HDAC9: variants seen among roughly 807,000 people sequenced by gnomAD.
HDAC9 encodes the protein histone deacetylase 9.
HDAC9 carries 41 observed loss-of-function variants against 139.4 expected under a neutral mutation model. The observed-to-expected ratio is 0.29, with a 90% CI of 0.23 to 0.38. HDAC9 has a LOEUF of 0.38. HDAC9 is among the 10% of genes least tolerant of loss of function. The pLI is 1.00. For missense variants in HDAC9, 1,147 were observed against 1,297.0 expected (o/e 0.88, Z 1.78); for synonymous variants, 517 against 476.2 (o/e 1.09, Z -1.12).
At chr7:18,383,876 G>A (rs553571128) in intron 1 of HDAC9, among the ~76,000 whole-genome samples, 40 of 147,956 alleles carry the variant, frequency 2.7e-4, no homozygotes, top group African/African-American at 7.0e-4. Flanking sequence ...GTGACAGAGC[G>A]AGACTCTGAC....
chr7:18,303,375 T>C (rs970642344), intron 1 of HDAC9, among the ~76,000 whole-genome samples: 5 of 127,710 alleles, frequency 3.9e-5, no homozygotes, highest in Admixed American at 3.3e-4. Context: ...CCCAGCCAAT[T>C]TGTGTGTGTG....
intron 6 of HDAC9, among the ~76,000 whole-genome samples, chr7:18,595,360 T>C (rs1392947368): frequency 6.6e-6 from 1 of 152,058 alleles, no homozygotes; most frequent in Non-Finnish European, 1.5e-5. Flanking sequence ...GTCTTATAAA[T>C]AAACTTTTCT....
intron 2 of HDAC9, among the ~76,000 whole-genome samples, chr7:18,539,264 C>T (rs1811933694): frequency 6.6e-6 from 1 of 152,080 alleles, no homozygotes; most frequent in Non-Finnish European, 1.5e-5. Flanking sequence ...TGTTTTTCCC[C>T]CAAATTTATA....
chr7:18,740,204 C>T (rs533065934), intron 13 of HDAC9, among the ~76,000 whole-genome samples: 1 of 152,156 alleles, frequency 6.6e-6, no homozygotes, highest in Non-Finnish European at 1.5e-5. Context: ...AAAGGGAAAT[C>T]CCCCAACCCC....
intron 1 of HDAC9, among the ~76,000 whole-genome samples, chr7:18,453,305 G>T (rs987988723): frequency 6.6e-6 from 1 of 151,930 alleles, no homozygotes; most frequent in African/African-American, 2.4e-5. Flanking sequence ...GTACACAAAG[G>T]TCAGCATTGA....
chr7:18,374,964 A>G (rs944762368), intron 1 of HDAC9, among the ~76,000 whole-genome samples: 1 of 152,160 alleles, frequency 6.6e-6, no homozygotes, highest in African/African-American at 2.4e-5. Flanking sequence ...CTAATCTGCC[A>G]GTTGCATAAA....
intron 6 of HDAC9, among the ~76,000 whole-genome samples, chr7:18,628,238 C>G (rs1043263996): frequency 6.6e-6 from 1 of 152,142 alleles, no homozygotes; most frequent in Non-Finnish European, 1.5e-5. Context: ...TTATGCCAGA[C>G]TACCTGGGTA....
At chr7:18,265,987 C>T (rs1426447124) in intron 2 of HDAC9, among the ~76,000 whole-genome samples, 1 of 152,110 alleles carries the variant, frequency 6.6e-6, no homozygotes, top group Non-Finnish European at 1.5e-5. Context: ...TAGAAGCTGA[C>T]ACCATATCAA....
At chr7:18,261,061 G>T (rs144881580) in intron 2 of HDAC9, among the ~76,000 whole-genome samples, 3 of 152,178 alleles carry the variant, frequency 2.0e-5, no homozygotes, top group Non-Finnish European at 2.9e-5. Context: ...CCAACTCTCT[G>T]GGAGGCCGAG....
chr7:18,218,999 G>T (rs1266726020), intron 2 of HDAC9, among the ~76,000 whole-genome samples: 3 of 152,024 alleles, frequency 2.0e-5, no homozygotes, highest in Non-Finnish European at 4.4e-5. Context: ...GCAGAAATTT[G>T]TACCCAAATT....
chr7:18,712,211 G>A (rs1784396556), intron 12 of HDAC9, among the ~76,000 whole-genome samples: 2 of 151,920 alleles, frequency 1.3e-5, no homozygotes, highest in Admixed American at 1.3e-4. Flanking sequence ...ACTTCTCATT[G>A]TTTTCTGATT....
chr7:18,683,877 T>G (rs1782066426), intron 12 of HDAC9, among the ~76,000 whole-genome samples: 2 of 152,066 alleles, frequency 1.3e-5, no homozygotes, highest in South Asian at 4.1e-4. Context: ...TTTTCAAGTT[T>G]TATTTACTCT....
At chr7:18,101,720 C>G (rs1033033386) in intron 1 of HDAC9, among the ~76,000 whole-genome samples, 8 of 152,130 alleles carry the variant, frequency 5.3e-5, no homozygotes, top group African/African-American at 1.9e-4. Flanking sequence ...ATGCTTGATG[C>G]TTTTATCACT....
chr7:18,438,556 C>G (rs1791436550), intron 1 of HDAC9, among the ~76,000 whole-genome samples: 1 of 151,802 alleles, frequency 6.6e-6, no homozygotes, highest in Non-Finnish European at 1.5e-5. Context: ...TAGAATATAT[C>G]TATACTTTAG....
At chr7:18,564,684 C>T (rs1005902807) in intron 2 of HDAC9, among the ~76,000 whole-genome samples, 1 of 152,026 alleles carries the variant, frequency 6.6e-6, no homozygotes, top group East Asian at 1.9e-4. Context: ...GCCTCTATAC[C>T]TATTCCTTTT....
At chr7:18,363,923 T>C (rs776968934) in intron 1 of HDAC9, among the ~76,000 whole-genome samples, 2 of 152,178 alleles carry the variant, frequency 1.3e-5, no homozygotes, top group Non-Finnish European at 2.9e-5. Context: ...ATTAATATTT[T>C]TCAGGGTCTA....
chr7:18,948,919 C>A, intron 23 of HDAC9: 1 of 327,300 alleles, frequency 3.1e-6, no homozygotes, highest in Non-Finnish European at 5.8e-6. Flanking sequence ...TGCTCCACTG[C>A]CAGAGATCTT....
chr7:18,512,144 A>T (rs1384022053), intron 2 of HDAC9, among the ~76,000 whole-genome samples: 2 of 152,180 alleles, frequency 1.3e-5, no homozygotes, highest in Non-Finnish European at 2.9e-5. Flanking sequence ...TTGTTGACCA[A>T]AACCCATTCA....
chr7:18,216,974 C>T (rs1187744354), intron 2 of HDAC9, among the ~76,000 whole-genome samples: 1 of 152,010 alleles, frequency 6.6e-6, no homozygotes, highest in Non-Finnish European at 1.5e-5. Context: ...ATTGACTTAC[C>T]ATATCAACTA....
Sources: gnomAD v4.1 joint callset for allele counts (sites outside exome capture counted in the v4.1 genomes callset) on GRCh38, gnomAD v4.1.1 for gene constraint, MANE v1.5 for transcripts, NCBI Gene and HGNC (gene_info 2026-07-23, HGNC 2026-07-21) for gene names.